The following ABCB5 variants were observed in gnomAD, a reference collection of about 807,000 sequenced individuals.
ABCB5 encodes ATP binding cassette subfamily B member 5, also known as ATP-binding cassette sub-family B member 5.
ABCB5 carries 155 observed loss-of-function variants against 144.2 expected under a neutral mutation model. That is an observed-to-expected ratio of 1.08 (90% confidence interval 0.94 to 1.23). The LOEUF (loss-of-function observed/expected upper bound fraction) is 1.23, where lower values mean the gene tolerates loss of function less well. Ranked by LOEUF, ABCB5 falls within the 50% of genes most tolerant of loss-of-function variation. The pLI is 0.00. For synonymous variants in ABCB5, 610 were observed against 528.6 expected, an observed-to-expected ratio of 1.15 and a Z score of -2.11; for missense variants, 1,830 against 1,520.8, an observed-to-expected ratio of 1.20 and a Z score of -3.38.
chr7:20,744,624 A>C (rs796764447), intron 25 of ABCB5, among the ~76,000 whole-genome samples: 1 of 138,852 alleles, frequency 7.2e-6, no homozygotes, highest in African/African-American at 2.7e-5. Context: ...CCATGGGGGG[A>C]GGGGGGAGGG....
intron 26 of ABCB5, among the ~76,000 whole-genome samples, chr7:20,749,169 T>G: frequency 7.4e-6 from 1 of 135,786 alleles, no homozygotes; most frequent in African/African-American, 2.6e-5. Context: ...CTCTCCTTCC[T>G]TCCCTCTCTA....
Position 20,700,128 on chromosome 7 carries a change from T to G in ABCB5, c.2330T>G (p.Leu777Ter). The G allele has an allele frequency of 6.2e-7, 1 of 1,609,552 alleles. No homozygotes were observed. The highest frequency in any genetic ancestry group is 8.5e-7 in the Non-Finnish European group (1 of 1,178,082). ...RLRHLAFKAM[L>*]YQDIAWFDEK... Reference sequence around the variant, plus strand: ...AGACACTTGGCCTTCAAAGCCATGTTATATCAGGTCAGTGATAAGTTGATT... The same window carrying G: ...AGACACTTGGCCTTCAAAGCCATGTGATATCAGGTCAGTGATAAGTTGATT... The change falls in exon 19 of 28, where the codon TTA becomes TGA. Residue 777 changes from leucine to a stop codon, truncating the protein, a stop_gained. Coordinates refer to ENST00000404938, the MANE Select transcript of ABCB5 (RefSeq NM_001163941.2). LOFTEE classifies it high-confidence loss of function.
At chr7:20,691,687 T>C (rs575611567) in intron 16 of ABCB5, among the ~76,000 whole-genome samples, 1 of 152,084 alleles carries the variant, frequency 6.6e-6, no homozygotes, top group East Asian at 1.9e-4. Context: ...TTAAGAAAGA[T>C]ATTGCCTCAG....
chr7:20,658,708 A>G (rs369787278), intron 14 of ABCB5, 32 bp downstream of exon 14: 87 of 1,606,272 alleles, frequency 5.4e-5, no homozygotes, highest in African/African-American at 8.1e-5. Flanking sequence ...TTATTTCCAT[A>G]CTCCTGGTTC....
At chr7:20,715,750 C>A (rs563988063) in intron 20 of ABCB5, among the ~76,000 whole-genome samples, 2 of 147,238 alleles carry the variant, frequency 1.4e-5, no homozygotes, top group African/African-American at 5.1e-5. Context: ...TTGAGACAGT[C>A]TCTCTGTCAC....
Position 20,716,246 on chromosome 7 carries a change from A to G in ABCB5, c.2422-6770A>G, listed in dbSNP as rs533200125. ...AATATTAAAAGAAACTTCCAAGTGG[A>G]AATTAATACATGTATCAAGGTCTAC... On this transcript the variant is annotated intron_variant, in intron 20 of 27. Coordinates refer to ENST00000404938, the MANE Select transcript of ABCB5 (RefSeq NM_001163941.2). 5.9e-5 allele frequency among the ~76,000 whole-genome samples: 9 copies of G among 152,322 alleles called. No homozygotes were observed. In the East Asian group the frequency reaches 1.3e-3, roughly 23 times the overall value.
At chr7:20,668,832 C>T (rs1313790503) in intron 14 of ABCB5, among the ~76,000 whole-genome samples, 2 of 133,692 alleles carry the variant, frequency 1.5e-5, no homozygotes. Context: ...GCCAGCCGCC[C>T]CGTCCGGGAG....
At chr7:20,667,343 CT>C (rs1785234460) in intron 14 of ABCB5, 4 of 984,740 alleles carry the variant, frequency 4.1e-6, no homozygotes, top group Non-Finnish European at 4.8e-6. Flanking sequence ...AGTGAATCCC[CT>C]GTGAAGAAAA....
At position 20,648,043 on chromosome 7, in the gene ABCB5, G is replaced by GT; in HGVS notation, c.1174dup (p.Ser392PhefsTer21). The GT allele has an allele frequency of 6.2e-7, 1 of 1,610,528 alleles. No homozygotes were observed. The highest frequency in any genetic ancestry group is 1.3e-5 in the African/African-American group (1 of 74,946). On this transcript the variant is annotated frameshift_variant, in exon 11 of 28. Coordinates refer to ENST00000404938, the MANE Select transcript of ABCB5 (RefSeq NM_001163941.2). LOFTEE classifies it high-confidence loss of function. ...AGAAGGAACTGTGGAATTTAAAAAT[G>GT]TTTCTTTCAATTATCCATCAAGACC... is the stretch of plus-strand genomic sequence containing the variant.
At chr7:20,751,221 A>G (rs1457523078) in intron 26 of ABCB5, among the ~76,000 whole-genome samples, 4 of 151,918 alleles carry the variant, frequency 2.6e-5, no homozygotes, top group South Asian at 2.1e-4. Context: ...AATGGATTCA[A>G]ATTTTCGGCT....
chr7:20,682,929 A>T (rs2158851), intron 15 of ABCB5, among the ~76,000 whole-genome samples: 124,735 of 152,026 alleles, frequency 0.82, 51,585 homozygotes, highest in East Asian at 1. Flanking sequence ...GCACATTAAT[A>T]TGAGTCATGG....
At chr7:20,676,018 A>G (rs1196935303) in intron 14 of ABCB5, among the ~76,000 whole-genome samples, 4 of 150,990 alleles carry the variant, frequency 2.6e-5, no homozygotes, top group Admixed American at 2.6e-4. Context: ...AAATAAATAA[A>G]TAAGTGTTGG....
intron 27 of ABCB5, among the ~76,000 whole-genome samples, chr7:20,754,634 C>T (rs1304672347): frequency 6.6e-6 from 1 of 152,058 alleles, no homozygotes; most frequent in African/African-American, 2.4e-5. Context: ...ACAGCTAAAT[C>T]CTACCAAAAA....
Position 20,647,571 on chromosome 7 carries a change from G to A in ABCB5, c.1018G>A (p.Gly340Arg), listed in dbSNP as rs1480972529. ...TGTAATCCATAGCAGTTATTGCATT[G>A]GAGCAGCAGTCCCTCACTTTGAAAC... The part of the protein sequence containing the change: ...FSVIHSSYCI[G>R]AAVPHFETFA... Residue 340 changes from glycine (G) to arginine (R), a missense_variant, in exon 10 of 28, where the codon GGA becomes AGA. By Grantham distance (125) the Gly-to-Arg change is moderately radical (BLOSUM62 -2). Transcript: ENST00000404938. The A allele has an allele frequency of 1.3e-6, 2 of 1,588,042 alleles. No homozygotes were observed. The highest frequency in any genetic ancestry group is 8.6e-7 in the Non-Finnish European group (1 of 1,166,162).
In ABCB5 at chr7:20,634,898, GC is replaced by G. The variant is rs546021769; in HGVS notation, c.314+2786del. On this transcript the variant is annotated intron_variant, in intron 5 of 27. Transcript: ENST00000404938. ...TGATTATTTCTTTTGCTGTGCAGAA[GC>G]TTTTTAATTAATTTCCATTTGTCTA... is the stretch of plus-strand genomic sequence containing the variant. 1.7e-3 allele frequency among the ~76,000 whole-genome samples: 265 copies of G among 152,146 alleles called. 1 individual carries two copies. The highest frequency in any genetic ancestry group is 6.0e-3 in the African/African-American group (249 of 41,526).
chr7:20,623,949 G>T (rs938978189), intron 2 of ABCB5, among the ~76,000 whole-genome samples: 2 of 152,190 alleles, frequency 1.3e-5, no homozygotes, highest in African/African-American at 2.4e-5. Context: ...GGGCATTCCA[G>T]CGATACCATT....
intron 15 of ABCB5, among the ~76,000 whole-genome samples, chr7:20,682,571 G>A (rs1307280715): frequency 1.3e-5 from 2 of 152,192 alleles, no homozygotes; most frequent in Admixed American, 6.5e-5. Context: ...GTACTTATGA[G>A]TGTTGAGGGT....
intron 14 of ABCB5, among the ~76,000 whole-genome samples, chr7:20,661,733 C>A (rs1221565052): frequency 1.3e-5 from 2 of 151,742 alleles, no homozygotes; most frequent in Non-Finnish European, 2.9e-5. Flanking sequence ...CAGGGTTTCA[C>A]CATGTTGGTC....
intron 17 of ABCB5, among the ~76,000 whole-genome samples, chr7:20,699,458 T>C (rs942915189): frequency 6.6e-6 from 1 of 152,128 alleles, no homozygotes; most frequent in Admixed American, 6.5e-5. Context: ...CCCAGCACTT[T>C]GGGAGGCGGA....
Sources: allele counts gnomAD v4.1 joint callset (sites outside exome capture counted in the v4.1 genomes callset), GRCh38; gene constraint gnomAD v4.1.1; transcripts MANE v1.5; gene names NCBI Gene and HGNC (gene_info 2026-07-23, HGNC 2026-07-21).